CLVS1: variants seen among roughly 807,000 people sequenced by gnomAD.
CLVS1 encodes clavesin 1.
In CLVS1, 10 loss-of-function variants were observed where a neutral mutation model predicts 33.1. The ratio of observed to expected loss-of-function variants is 0.30; its 90% CI spans 0.19 to 0.51. The LOEUF (loss-of-function observed/expected upper bound fraction) is 0.51, where lower values mean the gene tolerates loss of function less well. Among genes scored for constraint, CLVS1 ranks in the 20% least tolerant of loss-of-function variants. The pLI is 0.97. For missense variants in CLVS1, 343 were observed against 433.4 expected, an observed-to-expected ratio of 0.79 and a Z score of 1.85; for synonymous variants, 163 against 166.1, an observed-to-expected ratio of 0.98 and a Z score of 0.14.
intron 5 of CLVS1, among the ~76,000 whole-genome samples, chr8:61,479,393 C>A (rs1818092413): frequency 6.6e-6 from 1 of 152,172 alleles, no homozygotes; most frequent in African/African-American, 2.4e-5. Flanking sequence ...GAGGCTTGTG[C>A]ATTCATCACA....
At chr8:61,271,204 GGT>G (rs1296382697) in intron 2 of CLVS1, among the ~76,000 whole-genome samples, 1 of 148,708 alleles carries the variant, frequency 6.7e-6, no homozygotes, top group Non-Finnish European at 1.5e-5. Flanking sequence ...CAGAGATTCT[GGT>G]ATGTTGTGTC....
chr8:61,407,512 A>T (rs1202741967), intron 3 of CLVS1, among the ~76,000 whole-genome samples: 2 of 152,254 alleles, frequency 1.3e-5, no homozygotes, highest in Admixed American at 1.3e-4. Flanking sequence ...TAAAAATGAC[A>T]TTTGAAAATT....
the CLVS1 span, among the ~76,000 whole-genome samples, chr8:61,041,900 A>G: frequency 1.3e-5 from 2 of 151,624 alleles, no homozygotes; most frequent in African/African-American, 2.4e-5. Flanking sequence ...TTGTTTTTTG[A>G]GAGAAGGTCT....
intron 2 of CLVS1, among the ~76,000 whole-genome samples, chr8:61,305,612 A>G (rs1810595295): frequency 6.6e-6 from 1 of 152,054 alleles, no homozygotes; most frequent in African/African-American, 2.4e-5. Context: ...TACGTAGGTA[A>G]ACTTGTGTCA....
intron 3 of CLVS1, 151 bp downstream of exon 3, chr8:61,376,930 AG>A: frequency 1.6e-6 from 1 of 606,682 alleles, no homozygotes; most frequent in South Asian, 3.4e-5. Flanking sequence ...CCTCAGCCAG[AG>A]TTTTAGATGC....
intron 5 of CLVS1, among the ~76,000 whole-genome samples, chr8:61,493,831 G>A (rs1326097485): frequency 6.6e-6 from 1 of 152,288 alleles, no homozygotes; most frequent in Middle Eastern, 3.4e-3. Flanking sequence ...TGTTGGTCCT[G>A]GAAAACAGAT....
At chr8:61,089,891 G>A (rs1176897358) in intron 1 of CLVS1, among the ~76,000 whole-genome samples, 1 of 152,196 alleles carries the variant, frequency 6.6e-6, no homozygotes, top group Non-Finnish European at 1.5e-5. Context: ...CTGCACTCAA[G>A]CCTGGGTGAC....
At chr8:61,462,151 G>A (rs1817390436) in intron 5 of CLVS1, among the ~76,000 whole-genome samples, 1 of 152,172 alleles carries the variant, frequency 6.6e-6, no homozygotes, top group Admixed American at 6.5e-5. Flanking sequence ...TAGATGTTTG[G>A]CTATGGAAAA....
chr8:61,492,338 A>T (rs951133122), intron 5 of CLVS1, among the ~76,000 whole-genome samples: 3 of 152,144 alleles, frequency 2.0e-5, no homozygotes, highest in Non-Finnish European at 4.4e-5. Flanking sequence ...GATAGTTTAC[A>T]TTTTTTTGGT....
At chr8:61,248,930 T>A (rs1243835005) in intron 2 of CLVS1, among the ~76,000 whole-genome samples, 3 of 152,204 alleles carry the variant, frequency 2.0e-5, no homozygotes, top group Non-Finnish European at 2.9e-5. Flanking sequence ...TTCTTTTTTT[T>A]ATACTTTAAG....
At chr8:61,115,618 T>A (rs2129288912) in intron 1 of CLVS1, among the ~76,000 whole-genome samples, 1 of 152,032 alleles carries the variant, frequency 6.6e-6, no homozygotes, top group African/African-American at 2.4e-5. Flanking sequence ...AGTGAGAATA[T>A]GCGGTGTTTG....
chr8:61,440,825 A>C (rs1046709871), intron 3 of CLVS1, among the ~76,000 whole-genome samples: 2 of 152,238 alleles, frequency 1.3e-5, no homozygotes, highest in African/African-American at 4.8e-5. Flanking sequence ...CTCGGACATC[A>C]ACAGTGCCTT....
intron 3 of CLVS1, among the ~76,000 whole-genome samples, chr8:61,392,562 A>G (rs1814346395): frequency 6.6e-6 from 1 of 152,146 alleles, no homozygotes; most frequent in African/African-American, 2.4e-5. Flanking sequence ...TCCCTCACTT[A>G]TGATTAGAAT....
intron 3 of CLVS1, among the ~76,000 whole-genome samples, chr8:61,410,102 T>C (rs1299485): frequency 7.1e-6 from 1 of 141,056 alleles, no homozygotes; most frequent in Non-Finnish European, 1.5e-5. Flanking sequence ...TTTTGCTAGG[T>C]AAAAGGATAT....
chr8:61,001,863 C>A, the CLVS1 span, among the ~76,000 whole-genome samples: 2 of 152,262 alleles, frequency 1.3e-5, no homozygotes, highest in Admixed American at 6.5e-5. Context: ...CCCACCATTC[C>A]TTCAAGATTT....
intron 2 of CLVS1, among the ~76,000 whole-genome samples, chr8:61,314,595 A>C (rs1585790154): frequency 6.6e-6 from 1 of 152,192 alleles, no homozygotes; most frequent in Non-Finnish European, 1.5e-5. Flanking sequence ...TCCCTTGTTG[A>C]ATTAATACTT....
intron 1 of CLVS1, among the ~76,000 whole-genome samples, chr8:61,127,485 G>C (rs1805998907): frequency 6.6e-6 from 1 of 152,106 alleles, no homozygotes; most frequent in African/African-American, 2.4e-5. Flanking sequence ...CTCCCAAAGT[G>C]CTGGGATTAC....
chr8:61,033,130 A>G, the CLVS1 span, among the ~76,000 whole-genome samples: 442 of 57,060 alleles, frequency 7.7e-3, 22 homozygotes, highest in East Asian at 0.027. Flanking sequence ...AAGAAAGGAA[A>G]GAAAGAAAGA....
intron 2 of CLVS1, chr8:61,203,000 C>T: frequency 7.2e-7 from 1 of 1,397,854 alleles, no homozygotes; most frequent in Admixed American, 1.7e-5. Flanking sequence ...CCATCAACAC[C>T]AAGATCAAAA....
Sources: gnomAD v4.1 joint callset for allele counts (sites outside exome capture counted in the v4.1 genomes callset) on GRCh38, gnomAD v4.1.1 for gene constraint, MANE v1.5 for transcripts, NCBI Gene and HGNC (gene_info 2026-07-23, HGNC 2026-07-21) for gene names.